Variants in TPP2 observed in about 807,000 individuals in gnomAD.
TPP2 encodes the protein tripeptidyl-peptidase 2.
TPP2 carries 34 observed loss-of-function variants against 155.9 expected under a neutral mutation model. That is an observed-to-expected ratio of 0.22 (90% CI 0.17 to 0.29). The LOEUF is 0.29. Ranked by LOEUF, TPP2 falls within the 10% of genes least tolerant of loss-of-function variation. The pLI is 1.00. For missense variants in TPP2, 1,028 were observed against 1,522.3 expected, an observed-to-expected ratio of 0.68 and a Z score of 5.40; for synonymous variants, 510 against 529.4, an observed-to-expected ratio of 0.96 and a Z score of 0.50.
chr13:102,616,577 G>A, intron 4 of TPP2, 77 bp downstream of exon 4: 1 of 1,179,882 alleles, frequency 8.5e-7, no homozygotes, highest in Non-Finnish European at 1.1e-6. Context: ...CTAATAGACT[G>A]TTTTTCCACA....
intron 25 of TPP2, among the ~76,000 whole-genome samples, chr13:102,658,546 T>C: frequency 6.6e-6 from 1 of 152,296 alleles, no homozygotes; most frequent in South Asian, 2.1e-4. Context: ...GAAAATTATT[T>C]AAAAACAAAA....
intron 1 of TPP2, 100 bp downstream of exon 1, chr13:102,597,303 C>A: frequency 1.5e-6 from 1 of 668,130 alleles, no homozygotes; most frequent in Non-Finnish European, 2.1e-6. Flanking sequence ...CCCCGCTCTG[C>A]GGCCGAGTCC....
intron 21 of TPP2, among the ~76,000 whole-genome samples, chr13:102,648,138 T>C: frequency 6.6e-6 from 1 of 152,204 alleles, no homozygotes; most frequent in Non-Finnish European, 1.5e-5. Context: ...ACCTGTTAAG[T>C]GGATAATAGA....
chr13:102,663,632 C>A lies in TPP2; in HGVS notation c.3144-16C>A. 3 of 1,542,576 alleles carry A rather than the reference C, an allele frequency of 1.9e-6. No individual in the cohort carries two copies. Among genetic ancestry groups the A allele is most frequent in the South Asian group, 2.4e-5 (2 of 81,848 alleles). On this transcript the variant is annotated splice_polypyrimidine_tract_variant and intron_variant, in intron 25 of 29. Coordinates refer to ENST00000376052, the MANE Select transcript of TPP2 (RefSeq NM_001330588.2). ...AAAGAAAAAAGTAAATATTTCTCTC[C>A]TTCTTACATACATAGGCTGGATTCT...
At position 102,636,352 on chromosome 13, in the gene TPP2, T is replaced by C; in HGVS notation, c.1638T>C (p.Asp546=). The change falls in exon 13 of 30, where the codon GAT becomes GAC. Residue 546 remains aspartate, a synonymous_variant. Transcript: ENST00000376052. ...RDPVQVAAPS[D]HGVGIEPVFP... ...CTGTTCAGGTGGCTGCACCTTCAGA[T>C]CATGGCGTTGGCATTGAACCTGTAT... 6.2e-7 allele frequency: 1 copy of C among 1,613,734 alleles called. No homozygotes were observed. The highest frequency in any genetic ancestry group is 8.5e-7 in the Non-Finnish European group (1 of 1,179,854).
At chr13:102,627,398 CT>C (rs1881699763) in intron 7 of TPP2, among the ~76,000 whole-genome samples, 1 of 152,182 alleles carries the variant, frequency 6.6e-6, no homozygotes, top group East Asian at 1.9e-4. Flanking sequence ...CTCGTCATTT[CT>C]AGCAAATCTC....
intron 2 of TPP2, among the ~76,000 whole-genome samples, chr13:102,609,663 C>G (rs987278938): frequency 6.6e-6 from 1 of 151,928 alleles, no homozygotes; most frequent in African/African-American, 2.4e-5. Flanking sequence ...TCCCAAAGTG[C>G]TGGGATTACA....
intron 5 of TPP2, among the ~76,000 whole-genome samples, chr13:102,620,149 C>T (rs139528469): frequency 5.3e-5 from 8 of 152,258 alleles, no homozygotes; most frequent in African/African-American, 1.7e-4. Flanking sequence ...AAAAGGAATC[C>T]GGAGTCAGGA....
chr13:102,656,074 G>A (rs1021417172), intron 24 of TPP2, among the ~76,000 whole-genome samples: 3 of 151,980 alleles, frequency 2.0e-5, no homozygotes, highest in African/African-American at 7.3e-5. Context: ...GCAGTGTAGG[G>A]TTTCCTAGGT....
chr13:102,674,693 G>A (rs1394481301), intron 28 of TPP2, among the ~76,000 whole-genome samples: 1 of 152,182 alleles, frequency 6.6e-6, no homozygotes, highest in African/African-American at 2.4e-5. Context: ...CAAACTGGCT[G>A]TTAAACCACA....
At chr13:102,619,095 A>G (rs1382698334) in intron 5 of TPP2, among the ~76,000 whole-genome samples, 3 of 152,202 alleles carry the variant, frequency 2.0e-5, no homozygotes, top group South Asian at 2.1e-4. Context: ...ATTTATTAGT[A>G]TGTTGACCAT....
At position 102,597,135 on chromosome 13, in the gene TPP2, T is replaced by C. The variant is rs777321934; in HGVS notation, c.97T>C (p.Tyr33His). ...AASFLCRYPE[Y>H]DGRGVLIAVL... ...CTCCTTCCTCTGCCGCTACCCGGAG[T>C]ATGATGGGCGGGGGGTGCTCATCGC... Residue 33 changes from tyrosine to histidine, a missense_variant, in exon 1 of 30, where the codon TAT becomes CAT. Tyr to His is a moderately conservative substitution (Grantham distance 83). Transcript: ENST00000376052. The C allele has an allele frequency of 5.6e-6, 9 of 1,609,120 alleles. No homozygotes were observed. In the South Asian group the frequency reaches 8.8e-5, roughly 16 times the overall value.
At chr13:102,616,159 G>C (rs1415388522) in intron 3 of TPP2, among the ~76,000 whole-genome samples, 1 of 152,104 alleles carries the variant, frequency 6.6e-6, no homozygotes, top group Non-Finnish European at 1.5e-5. Context: ...GTTTCACCTT[G>C]TTGGCCAGGC....
chr13:102,649,220 G>C (rs550779884), intron 22 of TPP2, 69 bp downstream of exon 22: 11 of 1,522,230 alleles, frequency 7.2e-6, no homozygotes, highest in Non-Finnish European at 9.7e-6. Flanking sequence ...GTCAGTTTAT[G>C]ACATCTAGGC....
chr13:102,657,799 C>T (rs955876302), intron 25 of TPP2, among the ~76,000 whole-genome samples: 3 of 151,992 alleles, frequency 2.0e-5, no homozygotes, highest in East Asian at 1.9e-4. Flanking sequence ...AAGTAAAAAT[C>T]GTCTCGCTGT....
At chr13:102,671,067 A>T (rs901767516) in intron 27 of TPP2, among the ~76,000 whole-genome samples, 1 of 152,220 alleles carries the variant, frequency 6.6e-6, no homozygotes, top group African/African-American at 2.4e-5. Flanking sequence ...TCCTTGAGGA[A>T]GTACTTTCCA....
At chr13:102,665,885 T>C (rs927979944) in intron 27 of TPP2, among the ~76,000 whole-genome samples, 1 of 152,226 alleles carries the variant, frequency 6.6e-6, no homozygotes, top group Admixed American at 6.5e-5. Flanking sequence ...ATCATTTATA[T>C]TGATACTATA....
At chr13:102,642,972 CATG>C (rs754752507) in intron 16 of TPP2, among the ~76,000 whole-genome samples, 2 of 152,154 alleles carry the variant, frequency 1.3e-5, no homozygotes, top group Non-Finnish European at 2.9e-5. Context: ...TTTGCAGCCT[CATG>C]GTGGTGGTTC....
intron 2 of TPP2, chr13:102,607,743 C>A: frequency 2.5e-6 from 1 of 393,218 alleles, no homozygotes; most frequent in Non-Finnish European, 5.1e-6. Flanking sequence ...TGCGCCATGA[C>A]ACTTGGCTAA....
Sources: gnomAD v4.1 joint callset for allele counts (sites outside exome capture counted in the v4.1 genomes callset) on GRCh38, gnomAD v4.1.1 for gene constraint, MANE v1.5 for transcripts, NCBI Gene and HGNC (gene_info 2026-07-23, HGNC 2026-07-21) for gene names.